PCDH7: variants seen among roughly 807,000 people sequenced by gnomAD.
The protein encoded by PCDH7 is protocadherin-7.
A neutral mutation model predicts 58.9 loss-of-function variants in PCDH7; 17 were observed. The observed-to-expected ratio is 0.29, with a 90% CI of 0.20 to 0.43. PCDH7 has a LOEUF of 0.43. Ranked by LOEUF, PCDH7 falls within the 20% of genes least tolerant of loss-of-function variation. The pLI is 1.00. For missense variants in PCDH7, 1,274 were observed against 1,441.0 expected (o/e 0.88, Z 1.88); for synonymous variants, 664 against 616.4 (o/e 1.08, Z -1.14).
At chr4:31,052,393 C>G (rs1756828490) in intron 3 of PCDH7, among the ~76,000 whole-genome samples, 1 of 152,100 alleles carries the variant, frequency 6.6e-6, no homozygotes, top group Admixed American at 6.6e-5. Flanking sequence ...TGAACAAGAA[C>G]TTACAGATTC....
At chr4:30,794,740 T>G (rs1481024538) in intron 1 of PCDH7, among the ~76,000 whole-genome samples, 1 of 152,100 alleles carries the variant, frequency 6.6e-6, no homozygotes, top group African/African-American at 2.4e-5. Flanking sequence ...TTTTAAATTT[T>G]TAATACAATC....
chr4:31,146,273 G>C (rs973787018), downstream of PCDH7: 2 of 151,902 alleles, frequency 1.3e-5, no homozygotes, highest in African/African-American at 4.8e-5. Context: ...TCCAAAAACA[G>C]TCATGAGAAA....
chr4:30,963,967 T>C (rs1439250769), intron 3 of PCDH7, among the ~76,000 whole-genome samples: 1 of 152,196 alleles, frequency 6.6e-6, no homozygotes, highest in African/African-American at 2.4e-5. Context: ...ATATTATCTT[T>C]CTATTTCAAA....
chr4:30,741,271 G>T (rs1215248808), intron 1 of PCDH7, among the ~76,000 whole-genome samples: 1 of 150,580 alleles, frequency 6.6e-6, no homozygotes, highest in Admixed American at 6.6e-5. Flanking sequence ...TTTTAGAGCC[G>T]AGTGTGTCAC....
At chr4:30,950,151 C>T (rs1295578114) in exon 3 of PCDH7, 1 of 152,594 alleles carries the variant, frequency 6.6e-6, no homozygotes, top group Non-Finnish European at 1.5e-5. Flanking sequence ...TTCCCTTCCT[C>T]CCCTTTCCTC....
intron 1 of PCDH7, among the ~76,000 whole-genome samples, chr4:30,849,191 C>T (rs1215464757): frequency 6.6e-6 from 1 of 152,044 alleles, no homozygotes; most frequent in Non-Finnish European, 1.5e-5. Flanking sequence ...TGAAACTTGG[C>T]CTTTTGGTAG....
chr4:30,775,947 T>A (rs890805430), intron 1 of PCDH7, among the ~76,000 whole-genome samples: 13 of 151,694 alleles, frequency 8.6e-5, no homozygotes, highest in Non-Finnish European at 1.0e-4. Context: ...AGGCCAGAGG[T>A]CTACAAGTGT....
At chr4:30,829,133 G>A (rs574502347) in intron 1 of PCDH7, among the ~76,000 whole-genome samples, 42 of 152,012 alleles carry the variant, frequency 2.8e-4, no homozygotes, top group Non-Finnish European at 5.4e-4. Flanking sequence ...ATTCTTTTGT[G>A]TTTGGTTTTG....
chr4:30,793,717 A>G (rs1490343921), intron 1 of PCDH7, among the ~76,000 whole-genome samples: 1 of 152,202 alleles, frequency 6.6e-6, no homozygotes, highest in Non-Finnish European at 1.5e-5. Flanking sequence ...AACTCGAAGC[A>G]TATGTAACTA....
intron 3 of PCDH7, among the ~76,000 whole-genome samples, chr4:31,113,844 T>C (rs1716649426): frequency 6.8e-6 from 1 of 147,618 alleles, no homozygotes; most frequent in Admixed American, 6.8e-5. Flanking sequence ...TTTTTTTTTT[T>C]TTTTTTTGAG....
At chr4:30,987,601 T>A (rs1377001820) in intron 3 of PCDH7, 1 of 152,112 alleles carries the variant, frequency 6.6e-6, no homozygotes, top group Non-Finnish European at 1.5e-5. Context: ...GAGGAACGCT[T>A]GAATCCAGAA....
At chr4:30,830,598 C>T (rs1729651749) in intron 1 of PCDH7, among the ~76,000 whole-genome samples, 1 of 151,862 alleles carries the variant, frequency 6.6e-6, no homozygotes, top group African/African-American at 2.4e-5. Flanking sequence ...CTTCATTTAT[C>T]TTGACTCTCT....
intron 3 of PCDH7, among the ~76,000 whole-genome samples, chr4:31,051,588 C>T (rs1338551039): frequency 7.0e-6 from 1 of 143,008 alleles, no homozygotes; most frequent in Non-Finnish European, 1.5e-5. Context: ...TTTCTTTATT[C>T]GGATATTAAA....
intron 3 of PCDH7, among the ~76,000 whole-genome samples, chr4:31,073,979 T>A (rs1204642249): frequency 6.6e-6 from 1 of 151,948 alleles, no homozygotes; most frequent in East Asian, 1.9e-4. Context: ...TTTCTAGCTA[T>A]TTTTTCAAAC....
chr4:31,027,557 G>C (rs1178706709), intron 3 of PCDH7, among the ~76,000 whole-genome samples: 11 of 151,896 alleles, frequency 7.2e-5, no homozygotes, highest in Non-Finnish European at 4.4e-5. Flanking sequence ...TGAGTAGCTG[G>C]GATTATAGCC....
chr4:30,817,187 A>G (rs1364221593), intron 1 of PCDH7, among the ~76,000 whole-genome samples: 1 of 152,146 alleles, frequency 6.6e-6, no homozygotes, highest in East Asian at 1.9e-4. Context: ...GATGCAAGAT[A>G]TTTACTTGCT....
chr4:30,769,089 C>A (rs916740116), intron 1 of PCDH7, among the ~76,000 whole-genome samples: 1 of 152,164 alleles, frequency 6.6e-6, no homozygotes, highest in Admixed American at 6.5e-5. Flanking sequence ...CAATTATTGG[C>A]AGACATTTCC....
chr4:30,872,626 A>T (rs1361229629), intron 1 of PCDH7, among the ~76,000 whole-genome samples: 1 of 151,996 alleles, frequency 6.6e-6, no homozygotes, highest in African/African-American at 2.4e-5. Context: ...AACCTCTGTA[A>T]GTTTCAATCC....
chr4:30,836,562 G>A (rs1315501317), intron 1 of PCDH7, among the ~76,000 whole-genome samples: 1 of 152,106 alleles, frequency 6.6e-6, no homozygotes, highest in Non-Finnish European at 1.5e-5. Flanking sequence ...GTATATGTTG[G>A]CAAATTTTTT....
Sources: allele counts gnomAD v4.1 joint callset (sites outside exome capture counted in the v4.1 genomes callset), GRCh38; gene constraint gnomAD v4.1.1; transcripts MANE v1.5; gene names NCBI Gene and HGNC (gene_info 2026-07-23, HGNC 2026-07-21).